Variants in TTLL4 observed in about 807,000 individuals in gnomAD.
TTLL4 encodes tubulin monoglutamylase TTLL4.
Under a neutral mutation model 122.7 loss-of-function variants are expected in TTLL4, and 85 were observed. The ratio of observed to expected loss-of-function variants is 0.69; its 90% CI spans 0.58 to 0.83. The LOEUF (loss-of-function observed/expected upper bound fraction) is 0.83. TTLL4 is among the 40% of genes least tolerant of loss of function. The pLI is 0.00. For missense variants in TTLL4, 1,363 were observed against 1,488.6 expected, an observed-to-expected ratio of 0.92 and a Z score of 1.39; for synonymous variants, 553 against 563.0, an observed-to-expected ratio of 0.98 and a Z score of 0.25.
chr2:218,739,851 C>T (rs1260140816), intron 3 of TTLL4, among the ~76,000 whole-genome samples: 5 of 152,210 alleles, frequency 3.3e-5, no homozygotes, highest in Admixed American at 2.0e-4. Context: ...CATAGTGCCT[C>T]TTTGCAGAAT....
In TTLL4 at chr2:218,737,758, G is replaced by C; in HGVS notation, c.82G>C (p.Val28Leu). The change falls in exon 3 of 20, where the codon GTA becomes CTA. Residue 28 changes from valine to leucine, a missense_variant. By Grantham distance (32) the Val-to-Leu change is conservative. Around this residue, in one of 3 missense-constraint regions of TTLL4, gnomAD observed 760 missense variants for 808.4 expected, o/e 0.94. Coordinates refer to ENST00000392102, the MANE Select transcript of TTLL4 (RefSeq NM_014640.5). ...CAAGCAGAGTGGTCCCTCAGGCACA[G>C]TACCTGCCACGCCACCTGAGAAACC... ...SFKQSGPSGT[V>L]PATPPEKPSE... 6.2e-7 allele frequency: 1 copy of C among 1,614,002 alleles called. No homozygotes were observed. The highest frequency in any genetic ancestry group is 1.1e-5 in the South Asian group (1 of 91,084).
intron 1 of TTLL4, among the ~76,000 whole-genome samples, chr2:218,718,436 T>C (rs1030136241): frequency 7.2e-5 from 11 of 151,802 alleles, no homozygotes; most frequent in African/African-American, 2.4e-4. Context: ...TGGAGTGCAA[T>C]GGCGCAATCT....
rs999595884 is a variant in TTLL4, at chr2:218,755,085, C to T, written c.*696C>T. 3.3e-5 allele frequency: 5 copies of T among 152,446 alleles called. No homozygotes were observed. The highest frequency in any genetic ancestry group is 1.2e-4 in the African/African-American group (5 of 41,442). The allele number at this position is 152,446 out of a possible 1,614,324, so 9.4% of individuals were successfully genotyped here. On this transcript the variant is annotated 3_prime_UTR_variant, in exon 20 of 20. Coordinates refer to ENST00000392102, the MANE Select transcript of TTLL4 (RefSeq NM_014640.5). Reference sequence around the variant, plus strand: ...TCTGTTCTTTAGCTGTTGGCTTTCTCTGAGGTGTGAGAGGGTCTATGAACT... The same window carrying T: ...TCTGTTCTTTAGCTGTTGGCTTTCTTTGAGGTGTGAGAGGGTCTATGAACT...
intron 7 of TTLL4, 32 bp from the exon 8 acceptor site, chr2:218,746,123 A>G: frequency 6.2e-7 from 1 of 1,613,642 alleles, no homozygotes; most frequent in Non-Finnish European, 8.5e-7. Context: ...CTGAGCTGTT[A>G]GCAAGGCTGA....
Position 218,732,012 on chromosome 2 carries a change from T to C in TTLL4, c.-99+4665T>C, listed in dbSNP as rs188446526. Among the ~76,000 whole-genome samples, 4 of 152,290 alleles carry C rather than the reference T, an allele frequency of 2.6e-5. No individual in the cohort carries two copies. The East Asian group carries it at 7.7e-4, about 29-fold the overall frequency. ...CACATTAGATCATTGCTCCATAAAATGTTAGATTATTCAAAATATCATTTT... is the reference window on the plus strand; with the variant it reads ...CACATTAGATCATTGCTCCATAAAACGTTAGATTATTCAAAATATCATTTT... On this transcript the variant is annotated intron_variant, in intron 2 of 19. Coordinates refer to ENST00000392102, the MANE Select transcript of TTLL4 (RefSeq NM_014640.5).
chr2:218,742,645 GT>G (rs1161945533), intron 5 of TTLL4, among the ~76,000 whole-genome samples: 2 of 152,166 alleles, frequency 1.3e-5, no homozygotes, highest in African/African-American at 4.8e-5. Flanking sequence ...ACTCACAAGG[GT>G]TTTTTGTTTG....
At position 218,750,674 on chromosome 2, in the gene TTLL4, T is replaced by C. The variant is rs72963965; in HGVS notation, c.2873+528T>C. ...CGCTCACACAACCTCAAGGTCAGAA[T>C]GATCCTTAAGGACCAGTTGGTCCAG... On this transcript the variant is annotated intron_variant, in intron 15 of 19. Coordinates refer to ENST00000392102, the MANE Select transcript of TTLL4 (RefSeq NM_014640.5). Among the ~76,000 whole-genome samples, 527 of 152,336 alleles carry C rather than the reference T, an allele frequency of 3.5e-3. 3 individuals carry two copies. The highest frequency in any genetic ancestry group is 6.0e-3 in the Non-Finnish European group (408 of 68,022).
At position 218,754,628 on chromosome 2, in the gene TTLL4, T is replaced by G. The variant is rs1943115130; in HGVS notation, c.*239T>G. Reference sequence around the variant, plus strand: ...ACCTGTCTGCCTGGCTGGCACCTCATATCTCAGCAGAGAAGCCAGTGGTGG... The same window carrying G: ...ACCTGTCTGCCTGGCTGGCACCTCAGATCTCAGCAGAGAAGCCAGTGGTGG... On this transcript the variant is annotated 3_prime_UTR_variant, in exon 20 of 20. Transcript: ENST00000392102. 1 of 601,890 alleles carries G rather than the reference T, an allele frequency of 1.7e-6. No individual in the cohort carries two copies. The highest frequency in any genetic ancestry group is 2.9e-5 in the East Asian group (1 of 34,760). The allele number at this position is 601,890 out of a possible 1,614,324, so 37.3% of individuals were successfully genotyped here. A position where few individuals can be genotyped will look rare whatever the true frequency, so the allele number is the denominator to read the frequency against.
intron 2 of TTLL4, among the ~76,000 whole-genome samples, chr2:218,736,013 C>T (rs1425297506): frequency 1.5e-5 from 2 of 131,588 alleles, no homozygotes; most frequent in African/African-American, 6.0e-5. Flanking sequence ...CTCACTCTGT[C>T]ACCCAGGCTG....
At chr2:218,726,144 G>A (rs1023758614) in intron 1 of TTLL4, among the ~76,000 whole-genome samples, 2 of 152,088 alleles carry the variant, frequency 1.3e-5, no homozygotes, top group Non-Finnish European at 2.9e-5. Flanking sequence ...ATCTGGGAAA[G>A]ACTATCTCTC....
intron 12 of TTLL4, 141 bp from the exon 13 acceptor site, chr2:218,748,695 C>A: frequency 4.7e-6 from 3 of 636,072 alleles, no homozygotes; most frequent in South Asian, 4.7e-5. Flanking sequence ...TATTTGCATC[C>A]AAGTTCATCT....
At position 218,748,728 on chromosome 2, in the gene TTLL4, A is replaced by C; in HGVS notation, c.2502-108A>C. ...TCTCTTTCATAATTTAAACTGCGAA[A>C]GGAAGAGATATGAAGAAAATACCAT... On this transcript the variant is annotated intron_variant, in intron 12 of 19. Transcript: ENST00000392102. 3.5e-6 allele frequency: 3 copies of C among 869,338 alleles called. No homozygotes were observed. In the South Asian group the frequency reaches 5.3e-5, roughly 15 times the overall value. 53.9% of individuals were successfully genotyped at this position (869,338 alleles called of 1,614,324 possible).
In TTLL4 at chr2:218,754,770, C is replaced by T. The variant is rs1006904868; in HGVS notation, c.*381C>T. The T allele has an allele frequency of 4.6e-5, 11 of 239,726 alleles. No individual in the cohort carries two copies. Among genetic ancestry groups the T allele is most frequent in the African/African-American group, 1.8e-4 (8 of 44,516 alleles). 14.8% of individuals were successfully genotyped at this position (239,726 alleles called of 1,614,324 possible). ...GCTCAAGAGGAGAAAACATACAGAA[C>T]ATATTTGGACCGGAAATCCTTTGTT... On this transcript the variant is annotated 3_prime_UTR_variant, in exon 20 of 20. Coordinates refer to ENST00000392102, the MANE Select transcript of TTLL4 (RefSeq NM_014640.5).
At chr2:218,741,165 G>GACTAA (rs1942690851) in intron 5 of TTLL4, among the ~76,000 whole-genome samples, 1 of 152,130 alleles carries the variant, frequency 6.6e-6, no homozygotes, top group African/African-American at 2.4e-5. Flanking sequence ...TAAGATGGGT[G>GACTAA]GATCACTTGA....
At position 218,752,868 on chromosome 2, in the gene TTLL4, C is replaced by T. The variant is rs866289126; in HGVS notation, c.3082C>T (p.Pro1028Ser). 1 of 1,614,146 alleles carries T rather than the reference C, an allele frequency of 6.2e-7. No individual in the cohort carries two copies. The highest frequency in any genetic ancestry group is 1.3e-5 in the African/African-American group (1 of 75,032). ...CCGTGGTCAGTTTGAACGAATTTTT[C>T]CTTCTCATATCTCCTCTCGCTATCT... ...SRRGQFERIF[P>S]SHISSRYLRF... The change falls in exon 17 of 20, where the codon CCT (proline) becomes TCT (serine). Residue 1028 changes from proline (P) to serine (S), a missense_variant. Physicochemically the swap from Pro to Ser is moderately conservative, Grantham distance 74. Transcript: ENST00000392102.
Position 218,738,798 on chromosome 2 carries a change from C to T in TTLL4, c.1122C>T (p.Asn374=), listed in dbSNP as rs375291664. The T allele has an allele frequency of 1.9e-6, 3 of 1,614,114 alleles. No individual in the cohort carries two copies. Among genetic ancestry groups the T allele is most frequent in the South Asian group, 1.1e-5 (1 of 91,090 alleles). Residue 374 remains asparagine, a synonymous_variant, in exon 3 of 20, where the codon AAC becomes AAT. Coordinates refer to ENST00000392102, the MANE Select transcript of TTLL4 (RefSeq NM_014640.5). ...LNPSFQWNVL[N]RSRRWKPPAV... ...CCAGCTTCCAGTGGAATGTCCTCAA[C>T]AGGAGCAGGCGGTGGAAACCTCCTG... is the stretch of plus-strand genomic sequence containing the variant.
chr2:218,722,328 T>A (rs1942067192), intron 1 of TTLL4, among the ~76,000 whole-genome samples: 1 of 148,726 alleles, frequency 6.7e-6, no homozygotes. Context: ...TGGTAGTTTT[T>A]AAAAAAATTA....
intron 2 of TTLL4, among the ~76,000 whole-genome samples, chr2:218,727,835 T>C (rs1169709284): frequency 6.6e-6 from 1 of 152,206 alleles, no homozygotes; most frequent in Admixed American, 6.5e-5. Context: ...GTCACTGTTT[T>C]CTTGCTTTGT....
At chr2:218,730,827 G>A (rs1252851277) in intron 2 of TTLL4, among the ~76,000 whole-genome samples, 3 of 152,010 alleles carry the variant, frequency 2.0e-5, no homozygotes, top group African/African-American at 4.8e-5. Flanking sequence ...CCACCATGCC[G>A]GGTGTGGTGG....
Sources: gnomAD v4.1 joint callset for allele counts (sites outside exome capture counted in the v4.1 genomes callset) on GRCh38, gnomAD v4.1.1 for gene constraint, gnomAD v4.1.1 regional missense constraint, MANE v1.5 for transcripts, NCBI Gene and HGNC (gene_info 2026-07-23, HGNC 2026-07-21) for gene names.